Variants in ATXN7 observed in about 807,000 individuals in gnomAD.
ATXN7 encodes ataxin 7.
In ATXN7, 12 loss-of-function variants were observed where a neutral mutation model predicts 70.5. The ratio of observed to expected loss-of-function variants is 0.17; its 90% CI spans 0.11 to 0.28. The LOEUF (loss-of-function observed/expected upper bound fraction) is 0.28. ATXN7 is among the 10% of genes least tolerant of loss of function. The pLI, the probability that ATXN7 is intolerant of heterozygous loss-of-function variation, is 1.00. For missense variants in ATXN7, 1,256 were observed against 1,131.7 expected, an observed-to-expected ratio of 1.11 and a Z score of -1.58; for synonymous variants, 498 against 448.7, an observed-to-expected ratio of 1.11 and a Z score of -1.39.
chr3:64,002,253 T>C lies in ATXN7; in HGVS notation c.*2786T>C, dbSNP rs2075841088. The C allele has an allele frequency of 6.6e-6, 1 of 152,612 alleles. No individual in the cohort carries two copies. Among genetic ancestry groups the C allele is most frequent in the South Asian group, 2.1e-4 (1 of 4,824 alleles). The allele number at this position is 152,612 out of a possible 1,614,324, so 9.5% of individuals were successfully genotyped here. ...TTATTAATTAATAAAAGTAAATACCTTTTTATAATTTGAAGTGGTTCACTG... is the reference window on the plus strand; with the variant it reads ...TTATTAATTAATAAAAGTAAATACCCTTTTATAATTTGAAGTGGTTCACTG... On this transcript the variant is annotated 3_prime_UTR_variant, in exon 13 of 13. Coordinates refer to ENST00000674280, the MANE Select transcript of ATXN7 (RefSeq NM_001377405.1).
chr3:63,925,029 A>C (rs1183954131), intron 4 of ATXN7, among the ~76,000 whole-genome samples: 1 of 152,242 alleles, frequency 6.6e-6, no homozygotes, highest in Non-Finnish European at 1.5e-5. Context: ...GATGCAACTC[A>C]GAGTCCACAT....
At chr3:63,971,327 G>A (rs528845438) in intron 5 of ATXN7, among the ~76,000 whole-genome samples, 1 of 152,170 alleles carries the variant, frequency 6.6e-6, no homozygotes, top group African/African-American at 2.4e-5. Flanking sequence ...AATGTTCCAG[G>A]GACAGTCCCA....
intron 4 of ATXN7, among the ~76,000 whole-genome samples, chr3:63,940,380 C>T (rs551695357): frequency 1.3e-5 from 2 of 151,734 alleles, no homozygotes; most frequent in East Asian, 3.9e-4. Flanking sequence ...CTACATTAAC[C>T]ATTTAAAAAC....
chr3:63,913,997 GT>G (rs1337232433), intron 4 of ATXN7, among the ~76,000 whole-genome samples: 4 of 152,142 alleles, frequency 2.6e-5, no homozygotes, highest in African/African-American at 9.7e-5. Context: ...TGGGCATACC[GT>G]GGTCAGAAAG....
At position 63,996,130 on chromosome 3, in the gene ATXN7, G is replaced by A. The variant is rs757569813; in HGVS notation, c.2308G>A (p.Val770Ile). The A allele has an allele frequency of 4.3e-5, 69 of 1,614,154 alleles. No individual in the cohort carries two copies. The highest frequency in any genetic ancestry group is 1.6e-4 in the Middle Eastern group (1 of 6,062). The change falls in exon 12 of 13, where the codon GTC becomes ATC. Residue 770 changes from valine to isoleucine, a missense_variant. Physicochemically the swap from Val to Ile is conservative, Grantham distance 29. Coordinates refer to ENST00000674280, the MANE Select transcript of ATXN7 (RefSeq NM_001377405.1). ...GACGAATAAAGCAAATGCGGTGAAC[G>A]TCCGGCATGACCAGTCAGGGAGGGG... is the stretch of plus-strand genomic sequence containing the variant. ...CVTNKANAVNVRHDQSGRGPP... is the reference protein window; with the variant it reads ...CVTNKANAVNIRHDQSGRGPP...
chr3:63,976,380 A>G (rs1041645149), intron 5 of ATXN7, among the ~76,000 whole-genome samples: 13 of 152,222 alleles, frequency 8.5e-5, no homozygotes, highest in Non-Finnish European at 1.8e-4. Flanking sequence ...TTGAGCTGGC[A>G]CTTTTCAGCC....
At chr3:63,976,247 G>C (rs565120845) in intron 5 of ATXN7, among the ~76,000 whole-genome samples, 1 of 152,324 alleles carries the variant, frequency 6.6e-6, no homozygotes, top group East Asian at 1.9e-4. Context: ...GATAAGGGGA[G>C]TCCAACTCAA....
chr3:63,900,417 TG>T (rs1703594227), intron 2 of ATXN7: 1 of 152,358 alleles, frequency 6.6e-6, no homozygotes, highest in Admixed American at 6.5e-5. Context: ...AACAAGAGTT[TG>T]GGGAGCTATG....
intron 2 of ATXN7, chr3:63,901,336 C>G (rs1196258158): frequency 6.6e-6 from 1 of 152,206 alleles, no homozygotes; most frequent in Non-Finnish European, 1.5e-5. Flanking sequence ...CTATAGTAAG[C>G]ATGTTTTGCA....
intron 10 of ATXN7, 58 bp downstream of exon 10, chr3:63,990,432 G>A: frequency 6.3e-7 from 1 of 1,586,990 alleles, no homozygotes; most frequent in Middle Eastern, 1.8e-4. Flanking sequence ...ACAGGGCACT[G>A]CAGGGGGGCG....
At chr3:63,913,549 C>G (rs115462459) in intron 4 of ATXN7, among the ~76,000 whole-genome samples, 2,059 of 152,320 alleles carry the variant, frequency 0.014, 42 homozygotes, top group African/African-American at 0.047. Flanking sequence ...GGAAGGAATT[C>G]TCAGCTTTGA....
chr3:63,968,924 T>C (rs2075269160), intron 5 of ATXN7, among the ~76,000 whole-genome samples: 1 of 152,244 alleles, frequency 6.6e-6, no homozygotes, highest in South Asian at 2.1e-4. Context: ...TGTAGGACTT[T>C]AAATATGAAA....
intron 5 of ATXN7, among the ~76,000 whole-genome samples, chr3:63,970,378 T>A (rs1481350242): frequency 3.9e-5 from 6 of 152,164 alleles, no homozygotes; most frequent in Non-Finnish European, 8.8e-5. Context: ...ACCACTCAGT[T>A]TTATGTAAGA....
chr3:63,883,692 G>A (rs1220594494), intron 1 of ATXN7, among the ~76,000 whole-genome samples: 2 of 152,086 alleles, frequency 1.3e-5, no homozygotes, highest in African/African-American at 4.8e-5. Flanking sequence ...AGCCAGATCT[G>A]ATTGATATTT....
chr3:63,873,069 C>G (rs1173751442), intron 1 of ATXN7, among the ~76,000 whole-genome samples: 21 of 152,146 alleles, frequency 1.4e-4, no homozygotes, highest in Admixed American at 1.4e-3. Context: ...AATCCATTAT[C>G]TTAAAATTTT....
intron 2 of ATXN7, chr3:63,900,525 C>T (rs1703597960): frequency 6.6e-6 from 1 of 152,238 alleles, no homozygotes; most frequent in South Asian, 2.1e-4. Flanking sequence ...GAAGTCATCA[C>T]GTTGAATGTT....
At chr3:63,923,325 A>G (rs1034381829) in intron 4 of ATXN7, among the ~76,000 whole-genome samples, 4 of 152,196 alleles carry the variant, frequency 2.6e-5, no homozygotes, top group African/African-American at 9.7e-5. Context: ...AGTGACACAA[A>G]TCAGATGGAG....
rs2075815871 is a variant in ATXN7, at chr3:63,999,848, G to A, written c.*381G>A. 5.8e-6 allele frequency: 2 copies of A among 343,152 alleles called. No homozygotes were observed. The highest frequency in any genetic ancestry group is 4.2e-5 in the Admixed American group (1 of 23,652). 21.3% of individuals were successfully genotyped at this position (343,152 alleles called of 1,614,324 possible). On this transcript the variant is annotated 3_prime_UTR_variant, in exon 13 of 13. Coordinates refer to ENST00000674280, the MANE Select transcript of ATXN7 (RefSeq NM_001377405.1). ...AGAATGTTTTGGCAAGAGCGTTACT[G>A]TAGACCTTTCTCCCTCCTTCCTTTT...
chr3:63,897,249 A>G (rs943638930), intron 1 of ATXN7, among the ~76,000 whole-genome samples: 3 of 152,210 alleles, frequency 2.0e-5, no homozygotes, highest in African/African-American at 7.2e-5. Flanking sequence ...TTTTTAAAAG[A>G]AAGGAGACTG....
Sources: gnomAD v4.1 joint callset for allele counts (sites outside exome capture counted in the v4.1 genomes callset) on GRCh38, gnomAD v4.1.1 for gene constraint, MANE v1.5 for transcripts, NCBI Gene and HGNC (gene_info 2026-07-23, HGNC 2026-07-21) for gene names.